Variants in SLX4IP observed in about 807,000 individuals in gnomAD.
The protein encoded by SLX4IP is protein SLX4IP.
SLX4IP carries 34 observed loss-of-function variants against 32.9 expected under a neutral mutation model. The observed-to-expected ratio is 1.03, with a 90% CI of 0.79 to 1.38. The LOEUF (loss-of-function observed/expected upper bound fraction) is 1.38. SLX4IP is among the 40% of genes most tolerant of loss of function. The probability of loss-of-function intolerance (pLI) is 0.00; values close to 1 mark genes in which losing one functional copy is unlikely to be tolerated. For missense variants in SLX4IP, 444 were observed against 479.0 expected (o/e 0.93, Z 0.68); for synonymous variants, 172 against 171.7 (o/e 1.00, Z -0.01).
In SLX4IP at chr20:10,626,787, T is replaced by C. The variant is rs141833553; in HGVS notation, c.*3408T>C. The C allele has an allele frequency of 6.6e-6, 1 of 152,322 alleles. No individual in the cohort carries two copies. Among genetic ancestry groups the C allele is most frequent in the African/African-American group, 2.4e-5 (1 of 41,576 alleles). The allele number at this position is 152,322 out of a possible 1,614,324, so 9.4% of individuals were successfully genotyped here. A position where few individuals can be genotyped will look rare whatever the true frequency, so the allele number is the denominator to read the frequency against. ...TAGTTCTTTTGTTCACTTATTTTAA[T>C]ACTATAGAAGTGTATTTCATTTTAT... On this transcript the variant is annotated 3_prime_UTR_variant, in exon 8 of 8. Coordinates refer to ENST00000334534, the MANE Select transcript of SLX4IP (RefSeq NM_001009608.3).
intron 2 of SLX4IP, among the ~76,000 whole-genome samples, chr20:10,510,579 G>GTTA (rs949994949): frequency 0.014 from 2,040 of 149,510 alleles, 47 homozygotes; most frequent in African/African-American, 0.046. Context: ...AATTATTGTT[G>GTTA]TTATTATTAT....
At chr20:10,487,680 C>T (rs2065586700) in intron 2 of SLX4IP, among the ~76,000 whole-genome samples, 1 of 152,162 alleles carries the variant, frequency 6.6e-6, no homozygotes, top group Non-Finnish European at 1.5e-5. Context: ...GGTTTCTTCT[C>T]GCACACATGT....
rs529779249 is a variant in SLX4IP, at chr20:10,448,891, G to A, written c.-29-9285G>A. Among the ~76,000 whole-genome samples the A allele has an allele frequency of 4.6e-5, 7 of 152,172 alleles. No individual in the cohort carries two copies. The South Asian group carries it at 1.5e-3, about 32-fold the overall frequency. Reference sequence around the variant, plus strand: ...CTAAAAACAGAAAAAAAATAAAAAGGTTATATGCATAAGTGACTCAGCACC... The same window carrying A: ...CTAAAAACAGAAAAAAAATAAAAAGATTATATGCATAAGTGACTCAGCACC... On this transcript the variant is annotated intron_variant, in intron 1 of 7. Coordinates refer to ENST00000334534, the MANE Select transcript of SLX4IP (RefSeq NM_001009608.3).
chr20:10,442,469 C>G (rs1437853532), intron 1 of SLX4IP, among the ~76,000 whole-genome samples: 1 of 152,142 alleles, frequency 6.6e-6, no homozygotes, highest in South Asian at 2.1e-4. Context: ...TGTTTTCAGG[C>G]CTGAGAGAGT....
At chr20:10,605,452 A>G (rs2066895078) in intron 6 of SLX4IP, among the ~76,000 whole-genome samples, 1 of 152,066 alleles carries the variant, frequency 6.6e-6, no homozygotes, top group Non-Finnish European at 1.5e-5. Flanking sequence ...TAGGGCCTCC[A>G]TTTTTCCTAA....
chr20:10,588,564 A>T (rs1163308675), intron 4 of SLX4IP, among the ~76,000 whole-genome samples: 1 of 152,216 alleles, frequency 6.6e-6, no homozygotes, highest in Admixed American at 6.5e-5. Flanking sequence ...ACAATGGAAC[A>T]TTACTCAGCC....
intron 2 of SLX4IP, among the ~76,000 whole-genome samples, chr20:10,528,845 C>G (rs903880716): frequency 6.6e-6 from 1 of 152,180 alleles, no homozygotes; most frequent in Admixed American, 6.5e-5. Context: ...TTTTGTAATT[C>G]GGGATTTTTC....
At chr20:10,572,242 C>T (rs2122515785) in intron 4 of SLX4IP, among the ~76,000 whole-genome samples, 1 of 152,320 alleles carries the variant, frequency 6.6e-6, no homozygotes, top group East Asian at 1.9e-4. Context: ...GTGTCAGAGG[C>T]CACATGAAAA....
intron 3 of SLX4IP, among the ~76,000 whole-genome samples, chr20:10,557,834 G>GT (rs924562572): frequency 2.1e-4 from 32 of 152,236 alleles, no homozygotes; most frequent in African/African-American, 6.7e-4. Flanking sequence ...CTAGGTTTTT[G>GT]TTTTTTTAGG....
At chr20:10,467,881 G>T (rs552108173) in intron 2 of SLX4IP, among the ~76,000 whole-genome samples, 15 of 151,946 alleles carry the variant, frequency 9.9e-5, no homozygotes, top group Middle Eastern at 6.8e-3. Flanking sequence ...AGTTCTCTCT[G>T]CCTTTCTGGC....
Position 10,598,695 on chromosome 20 carries a change from G to T in SLX4IP, c.259G>T (p.Ala87Ser). The change falls in exon 5 of 8, where the codon GCC becomes TCC. Residue 87 changes from alanine to serine, a missense_variant. Coordinates refer to ENST00000334534, the MANE Select transcript of SLX4IP (RefSeq NM_001009608.3). ...SLKGYGFQITAYFLKRGIRLR... is the reference protein window; with the variant it reads ...SLKGYGFQITSYFLKRGIRLR... ...TCCAGGTTATGGCTTTCAAATCACA[G>T]CCTATTTCCTCAAGAGAGGGATACG... The T allele has an allele frequency of 6.2e-7, 1 of 1,614,148 alleles. No homozygotes were observed. Among genetic ancestry groups the T allele is most frequent in the South Asian group, 1.1e-5 (1 of 91,084 alleles).
chr20:10,459,576 A>G (rs755151228), intron 2 of SLX4IP, among the ~76,000 whole-genome samples: 3 of 152,218 alleles, frequency 2.0e-5, no homozygotes, highest in Non-Finnish European at 4.4e-5. Context: ...ACTATCATTC[A>G]TATTCCATGT....
At chr20:10,542,916 C>T (rs969576720) in intron 2 of SLX4IP, among the ~76,000 whole-genome samples, 8 of 152,104 alleles carry the variant, frequency 5.3e-5, no homozygotes, top group Non-Finnish European at 1.0e-4. Flanking sequence ...GGGTATGTCC[C>T]CTATATATTC....
chr20:10,584,940 TG>T (rs1190766742), intron 4 of SLX4IP, among the ~76,000 whole-genome samples: 212 of 152,300 alleles, frequency 1.4e-3, no homozygotes, highest in African/African-American at 4.9e-3. Context: ...TTAAGAGGAA[TG>T]TCTGTTACAG....
chr20:10,518,268 T>C, intron 2 of SLX4IP, among the ~76,000 whole-genome samples: 1 of 152,260 alleles, frequency 6.6e-6, no homozygotes, highest in Non-Finnish European at 1.5e-5. Flanking sequence ...ACGGACATTG[T>C]TGCTTTCCTG....
intron 4 of SLX4IP, among the ~76,000 whole-genome samples, chr20:10,565,818 A>G (rs1360603008): frequency 6.6e-6 from 1 of 152,216 alleles, no homozygotes; most frequent in Non-Finnish European, 1.5e-5. Flanking sequence ...TGCTCACCAC[A>G]TATCCTTCAA....
chr20:10,597,990 A>G (rs1440828812), intron 4 of SLX4IP, among the ~76,000 whole-genome samples: 1 of 152,254 alleles, frequency 6.6e-6, no homozygotes, highest in Non-Finnish European at 1.5e-5. Flanking sequence ...GGCAAAATAC[A>G]TCCATGTTCA....
chr20:10,534,845 T>C (rs2066024479), intron 2 of SLX4IP, among the ~76,000 whole-genome samples: 1 of 152,136 alleles, frequency 6.6e-6, no homozygotes, highest in South Asian at 2.1e-4. Flanking sequence ...GGAGACCACA[T>C]AGGTTGTTAT....
At chr20:10,617,652 C>CTTTTTTTTTTTTTTTTTTTTTTTT (rs549525000) in intron 6 of SLX4IP, among the ~76,000 whole-genome samples, 1 of 112,748 alleles carries the variant, frequency 8.9e-6, no homozygotes, top group Non-Finnish European at 1.8e-5. Context: ...TTCTTTCTTT[C>CTTTTTTTTTTTTTTTTTTTTTTTT]TTTTTTTTTT....
Sources: allele counts gnomAD v4.1 joint callset (sites outside exome capture counted in the v4.1 genomes callset), GRCh38; gene constraint gnomAD v4.1.1; transcripts MANE v1.5; gene names NCBI Gene and HGNC (gene_info 2026-07-23, HGNC 2026-07-21).